Variants in GALNTL6 observed in about 807,000 individuals in gnomAD.
GALNTL6 encodes polypeptide N-acetylgalactosaminyltransferase like 6.
A neutral mutation model predicts 73.7 loss-of-function variants in GALNTL6; 46 were observed. The observed-to-expected ratio is 0.62, with a 90% CI of 0.49 to 0.80. GALNTL6 has a LOEUF of 0.80. GALNTL6 is among the 30% of genes least tolerant of loss of function. GALNTL6 has a pLI of 0.00. For missense variants in GALNTL6, 604 were observed against 755.0 expected, an observed-to-expected ratio of 0.80 and a Z score of 2.34; for synonymous variants, 259 against 263.7, an observed-to-expected ratio of 0.98 and a Z score of 0.17.
chr4:172,884,011 AC>A (rs1745590044), intron 8 of GALNTL6, among the ~76,000 whole-genome samples: 1 of 152,174 alleles, frequency 6.6e-6, no homozygotes, highest in Admixed American at 6.5e-5. Context: ...TATATATACT[AC>A]ATTTTCTTTA....
intron 5 of GALNTL6, among the ~76,000 whole-genome samples, chr4:172,692,109 A>G (rs930495769): frequency 1.3e-5 from 2 of 152,100 alleles, no homozygotes; most frequent in African/African-American, 2.4e-5. Flanking sequence ...AGAAAAAAAG[A>G]CCAAAAAAAC....
In GALNTL6 at chr4:172,350,692, A is replaced by C. The variant is rs535077029; in HGVS notation, c.553+2003A>C. ...TAAATTTTGAAAGAAATAGGTGATA[A>C]AATGCTTCTATAATCTTTTATAATA... is the stretch of plus-strand genomic sequence containing the variant. On this transcript the variant is annotated intron_variant, in intron 5 of 12. Coordinates refer to ENST00000506823, the MANE Select transcript of GALNTL6 (RefSeq NM_001034845.3). Among the ~76,000 whole-genome samples the C allele has an allele frequency of 1.8e-3, 269 of 152,314 alleles. 1 individual carries two copies. Among genetic ancestry groups the C allele is most frequent in the African/African-American group, 4.7e-3 (195 of 41,574 alleles).
At chr4:172,100,251 A>C (rs940668139) in intron 2 of GALNTL6, among the ~76,000 whole-genome samples, 1 of 152,120 alleles carries the variant, frequency 6.6e-6, no homozygotes, top group African/African-American at 2.4e-5. Context: ...TATGTGCAAG[A>C]TGTATAATGT....
intron 2 of GALNTL6, among the ~76,000 whole-genome samples, chr4:171,847,243 T>G (rs1735398627): frequency 6.6e-6 from 1 of 152,176 alleles, no homozygotes; most frequent in South Asian, 2.1e-4. Context: ...AGTTTCCCAG[T>G]GCATATGAAA....
At chr4:172,289,676 A>C (rs970242801) in intron 3 of GALNTL6, among the ~76,000 whole-genome samples, 7 of 152,308 alleles carry the variant, frequency 4.6e-5, no homozygotes, top group African/African-American at 1.7e-4. Context: ...TCACTCTCAA[A>C]ATATCCACTG....
chr4:172,568,744 C>G (rs1432583285), intron 5 of GALNTL6, among the ~76,000 whole-genome samples: 1 of 105,686 alleles, frequency 9.5e-6, no homozygotes, highest in Non-Finnish European at 1.7e-5. Flanking sequence ...GGCCACAGAG[C>G]GAGACTCCAT....
intron 2 of GALNTL6, among the ~76,000 whole-genome samples, chr4:171,882,991 T>C (rs533881148): frequency 6.6e-6 from 1 of 152,314 alleles, no homozygotes; most frequent in South Asian, 2.1e-4. Flanking sequence ...ATATCAACTG[T>C]CCATCTTAGA....
At chr4:171,963,732 C>A (rs1242281876) in intron 2 of GALNTL6, among the ~76,000 whole-genome samples, 3 of 152,064 alleles carry the variant, frequency 2.0e-5, no homozygotes, top group African/African-American at 7.2e-5. Flanking sequence ...TTCAAGGAAC[C>A]ATATTAACAT....
At position 172,549,785 on chromosome 4, in the gene GALNTL6, TAA is replaced by T. The variant is rs564546211; in HGVS notation, c.553+201100_553+201101del. 2.6e-5 allele frequency among the ~76,000 whole-genome samples: 4 copies of T among 152,232 alleles called. No homozygotes were observed. In the East Asian group the frequency reaches 7.7e-4, roughly 29 times the overall value. On this transcript the variant is annotated intron_variant, in intron 5 of 12. Transcript: ENST00000506823. The stretch of plus-strand genomic sequence containing the variant: ...AAAACAAATAGCACACTGTAAATGC[TAA>T]AAATCAAAGTGCCTGTCTCACCCTT...
intron 2 of GALNTL6, among the ~76,000 whole-genome samples, chr4:171,923,890 G>C (rs1737886970): frequency 6.7e-6 from 1 of 148,890 alleles, no homozygotes; most frequent in Non-Finnish European, 1.5e-5. Flanking sequence ...TTAAGAATTA[G>C]CTTATTCAAC....
intron 5 of GALNTL6, among the ~76,000 whole-genome samples, chr4:172,382,131 C>A (rs368401004): frequency 6.6e-6 from 1 of 152,088 alleles, no homozygotes; most frequent in East Asian, 1.9e-4. Context: ...CCATGCCTGG[C>A]TAATTTTTGG....
chr4:171,940,862 A>AATAT (rs1738517803), intron 2 of GALNTL6, among the ~76,000 whole-genome samples: 3 of 143,122 alleles, frequency 2.1e-5, no homozygotes, highest in East Asian at 1.9e-4. Flanking sequence ...TAAATAAATA[A>AATAT]ATATATAAGT....
chr4:172,244,332 TC>T (rs1211655547), intron 3 of GALNTL6, among the ~76,000 whole-genome samples: 2 of 152,040 alleles, frequency 1.3e-5, no homozygotes, highest in African/African-American at 4.8e-5. Context: ...AGAGGAAAAA[TC>T]CCTTCAATCT....
intron 2 of GALNTL6, among the ~76,000 whole-genome samples, chr4:171,993,630 G>T (rs898199845): frequency 1.3e-5 from 2 of 151,928 alleles, no homozygotes; most frequent in African/African-American, 4.8e-5. Context: ...TAGAGTAGAG[G>T]ACTGAAAAAT....
chr4:172,380,624 G>T (rs1743246476), intron 5 of GALNTL6: 1 of 181,766 alleles, frequency 5.5e-6, no homozygotes, highest in South Asian at 1.3e-4. Context: ...ATTAACATAA[G>T]TAATCTATTT....
intron 5 of GALNTL6, among the ~76,000 whole-genome samples, chr4:172,792,461 A>G (rs2110933922): frequency 6.6e-6 from 1 of 152,248 alleles, no homozygotes; most frequent in Non-Finnish European, 1.5e-5. Context: ...GGAAAAATGA[A>G]GTCCTGGAAG....
intron 5 of GALNTL6, among the ~76,000 whole-genome samples, chr4:172,653,529 T>C (rs2111158159): frequency 6.6e-6 from 1 of 152,272 alleles, no homozygotes; most frequent in African/African-American, 2.4e-5. Flanking sequence ...CCTTATTCTT[T>C]TTACATGACC....
chr4:172,875,259 T>A (rs1469638131), intron 7 of GALNTL6, among the ~76,000 whole-genome samples: 2 of 152,146 alleles, frequency 1.3e-5, no homozygotes, highest in East Asian at 3.9e-4. Context: ...AGAAAATGAT[T>A]AATAATTGAA....
intron 8 of GALNTL6, among the ~76,000 whole-genome samples, chr4:172,885,976 A>G (rs148434180): frequency 3.1e-4 from 47 of 152,216 alleles, no homozygotes; most frequent in African/African-American, 1.1e-3. Flanking sequence ...TTTTACATCT[A>G]TGTTTATGAG....
Sources: allele counts gnomAD v4.1 joint callset (sites outside exome capture counted in the v4.1 genomes callset), GRCh38; gene constraint gnomAD v4.1.1; transcripts MANE v1.5; gene names NCBI Gene and HGNC (gene_info 2026-07-23, HGNC 2026-07-21).